PCDH9: variants seen among roughly 807,000 people sequenced by gnomAD.
PCDH9 encodes the protein protocadherin-9.
PCDH9 carries 24 observed loss-of-function variants against 70.6 expected under a neutral mutation model. The ratio of observed to expected loss-of-function variants is 0.34; its 90% CI spans 0.25 to 0.48. PCDH9 has a LOEUF of 0.48. PCDH9 is among the 20% of genes least tolerant of loss of function. PCDH9 has a pLI of 0.99. For missense variants in PCDH9, 1,281 were observed against 1,503.6 expected (o/e 0.85, Z 2.45); for synonymous variants, 562 against 558.5 (o/e 1.01, Z -0.09).
At chr13:67,006,036 C>T (rs769713644) in intron 2 of PCDH9, among the ~76,000 whole-genome samples, 5 of 152,202 alleles carry the variant, frequency 3.3e-5, no homozygotes, top group Non-Finnish European at 7.3e-5. Flanking sequence ...ACCATCCTGG[C>T]TAACACGGTG....
intron 3 of PCDH9, among the ~76,000 whole-genome samples, chr13:66,655,331 G>C (rs1481402835): frequency 2.6e-5 from 4 of 151,864 alleles, no homozygotes; most frequent in East Asian, 3.9e-4. Flanking sequence ...AAGGAGAAAA[G>C]TGCTTTCCAG....
At chr13:66,413,688 A>AAAAATAAATAAAATAAAT (rs1298998603) in intron 4 of PCDH9, among the ~76,000 whole-genome samples, 1 of 152,006 alleles carries the variant, frequency 6.6e-6, no homozygotes, top group Non-Finnish European at 1.5e-5. Context: ...TCCATCTTAA[A>AAAAATAAATAAAATAAAT]AAAATAAATA....
chr13:66,828,834 T>TAATAAC (rs1196366053), intron 3 of PCDH9, among the ~76,000 whole-genome samples: 54 of 139,140 alleles, frequency 3.9e-4, no homozygotes, highest in Admixed American at 2.0e-3. Context: ...ATAATAATAA[T>TAATAAC]AACAACAATG....
intron 4 of PCDH9, among the ~76,000 whole-genome samples, chr13:66,401,670 T>C (rs1215880668): frequency 6.6e-6 from 1 of 152,114 alleles, no homozygotes; most frequent in Non-Finnish European, 1.5e-5. Context: ...AGGTCCTAGA[T>C]AAATATTTTT....
intron 3 of PCDH9, among the ~76,000 whole-genome samples, chr13:66,741,703 C>T (rs2079266196): frequency 2.9e-5 from 1 of 33,926 alleles, no homozygotes; most frequent in Non-Finnish European, 7.0e-5. Flanking sequence ...CAACAACAGA[C>T]AAACAGAGAG....
At chr13:66,610,425 C>T (rs987759774) in intron 4 of PCDH9, among the ~76,000 whole-genome samples, 1 of 152,186 alleles carries the variant, frequency 6.6e-6, no homozygotes, top group East Asian at 1.9e-4. Flanking sequence ...ATACTTTATA[C>T]CCTTTTGAAC....
At chr13:66,708,199 G>A (rs1038601409) in intron 3 of PCDH9, among the ~76,000 whole-genome samples, 13 of 150,882 alleles carry the variant, frequency 8.6e-5, no homozygotes, top group African/African-American at 2.2e-4. Context: ...ACAGGCGCCC[G>A]CCACTACGCC....
intron 3 of PCDH9, among the ~76,000 whole-genome samples, chr13:66,735,115 A>C (rs748002752): frequency 6.6e-6 from 1 of 152,226 alleles, no homozygotes. Flanking sequence ...TTCACTGAAA[A>C]GTTATATCTA....
At chr13:66,654,700 G>A (rs775531161) in intron 3 of PCDH9, among the ~76,000 whole-genome samples, 2 of 151,916 alleles carry the variant, frequency 1.3e-5, no homozygotes, top group Non-Finnish European at 2.9e-5. Context: ...GTTGTTTGTT[G>A]TTGTCTGTTT....
At chr13:66,987,010 CAAACT>C (rs2083905324) in intron 2 of PCDH9, among the ~76,000 whole-genome samples, 1 of 151,742 alleles carries the variant, frequency 6.6e-6, no homozygotes, top group African/African-American at 2.4e-5. Context: ...GGAAATAATT[CAAACT>C]AAACTGTTAA....
intron 4 of PCDH9, among the ~76,000 whole-genome samples, chr13:66,459,808 T>A (rs114081656): frequency 0.015 from 2,229 of 152,060 alleles, 49 homozygotes; most frequent in African/African-American, 0.05. Flanking sequence ...TTCAATACAG[T>A]TAGCTCTGGG....
At position 67,130,652 on chromosome 13, in the gene PCDH9, C is replaced by T. The variant is rs116772437; in HGVS notation, c.3036+94753G>A. On this transcript the variant is annotated intron_variant, in intron 2 of 4. Coordinates refer to ENST00000377865, the MANE Select transcript of PCDH9 (RefSeq NM_203487.3). ...CAAGAAACACCATGATGACATCTCA[C>T]GGGAACAAGGGCCAGAACTGCCTCA... Among the ~76,000 whole-genome samples the T allele has an allele frequency of 8.9e-3, 1,358 of 152,112 alleles. 21 individuals carry two copies. The highest frequency in any genetic ancestry group is 0.03 in the African/African-American group (1,261 of 41,474).
chr13:66,320,158 C>A (rs910392991), intron 4 of PCDH9, among the ~76,000 whole-genome samples: 1 of 151,962 alleles, frequency 6.6e-6, no homozygotes, highest in African/African-American at 2.4e-5. Context: ...CACTGGGGCA[C>A]CTTGCAGCAT....
At chr13:67,168,636 T>TG (rs1014518064) in intron 2 of PCDH9, among the ~76,000 whole-genome samples, 1 of 151,598 alleles carries the variant, frequency 6.6e-6, no homozygotes, top group African/African-American at 2.4e-5. Flanking sequence ...GAGGCTGAGA[T>TG]GGGGGGATTA....
At chr13:67,094,319 C>A (rs1286290920) in intron 2 of PCDH9, among the ~76,000 whole-genome samples, 1 of 152,138 alleles carries the variant, frequency 6.6e-6, no homozygotes, top group Non-Finnish European at 1.5e-5. Context: ...CCAGCAAAAC[C>A]CTTCTTGCTG....
At chr13:67,224,209 C>G (rs974795457) in intron 2 of PCDH9, 32 of 152,316 alleles carry the variant, frequency 2.1e-4, no homozygotes, top group African/African-American at 7.7e-4. Context: ...AACTCCATAT[C>G]GACAAAGACA....
intron 4 of PCDH9, among the ~76,000 whole-genome samples, chr13:66,450,696 AT>A (rs1215997893): frequency 6.6e-6 from 1 of 152,198 alleles, no homozygotes; most frequent in Non-Finnish European, 1.5e-5. Flanking sequence ...CAAAATTTCT[AT>A]TAGCTTAGGA....
intron 4 of PCDH9, among the ~76,000 whole-genome samples, chr13:66,528,681 A>G (rs1157595007): frequency 6.6e-6 from 1 of 152,152 alleles, no homozygotes; most frequent in Non-Finnish European, 1.5e-5. Context: ...CAGCAATTGC[A>G]AGCAAAATTC....
At chr13:66,731,724 T>G (rs1215952010) in intron 3 of PCDH9, among the ~76,000 whole-genome samples, 1 of 152,236 alleles carries the variant, frequency 6.6e-6, no homozygotes, top group South Asian at 2.1e-4. Flanking sequence ...AAAGGAGATA[T>G]ATTATAAATA....
Sources: gnomAD v4.1 joint callset for allele counts (sites outside exome capture counted in the v4.1 genomes callset) on GRCh38, gnomAD v4.1.1 for gene constraint, MANE v1.5 for transcripts, NCBI Gene and HGNC (gene_info 2026-07-23, HGNC 2026-07-21) for gene names.